Variants in SPEF2 observed in about 807,000 individuals in gnomAD.
SPEF2 encodes sperm flagella and cilia-associated protein 2.
A neutral mutation model predicts 224.6 loss-of-function variants in SPEF2; 187 were observed. The observed-to-expected ratio is 0.83, with a 90% confidence interval of 0.74 to 0.94. SPEF2 has a LOEUF of 0.94. SPEF2 is among the 40% of genes least tolerant of loss of function. The probability of loss-of-function intolerance (pLI) is 0.00; values close to 1 mark genes in which losing one functional copy is unlikely to be tolerated. For missense variants in SPEF2, 2,170 were observed against 2,135.6 expected (o/e 1.02, Z -0.32); for synonymous variants, 715 against 707.3 (o/e 1.01, Z -0.17).
chr5:35,776,466 A>G, intron 29 of SPEF2, 71 bp downstream of exon 29: 13 of 1,513,832 alleles, frequency 8.6e-6, no homozygotes, highest in Non-Finnish European at 1.1e-5. Context: ...GAAGATTTTT[A>G]AGGTATTTAC....
At chr5:35,734,934 C>T (rs890172939) in intron 21 of SPEF2, among the ~76,000 whole-genome samples, 6 of 151,884 alleles carry the variant, frequency 4.0e-5, no homozygotes, top group Non-Finnish European at 7.4e-5. Context: ...ATGGTCTCAA[C>T]TTCCTGACCT....
intron 21 of SPEF2, among the ~76,000 whole-genome samples, chr5:35,739,292 T>C (rs1237166185): frequency 1.3e-5 from 2 of 152,226 alleles, no homozygotes; most frequent in Admixed American, 1.3e-4. Context: ...ATCAGTGTTA[T>C]GATGGGAAAA....
rs1326581229 is a variant in SPEF2 at position 35,763,222 on chromosome 5, C to T, written c.3621-300C>T. ...TATGCTCTGGAACAAATTCCAAAGT[C>T]GCTTTTCTTTATAATGGCCACTGTC... On this transcript the variant is annotated intron_variant, in intron 25 of 36. Coordinates refer to ENST00000356031, the MANE Select transcript of SPEF2 (RefSeq NM_024867.4). 9.2e-5 allele frequency among the ~76,000 whole-genome samples: 14 copies of T among 152,114 alleles called. No individual in the cohort carries two copies. The South Asian group carries it at 1.5e-3, about 16-fold the overall frequency.
At chr5:35,706,187 A>G (rs943015089) in intron 18 of SPEF2, among the ~76,000 whole-genome samples, 1 of 151,964 alleles carries the variant, frequency 6.6e-6, no homozygotes, top group Non-Finnish European at 1.5e-5. Flanking sequence ...GATATTGTAG[A>G]TAAAGGTAAA....
chr5:35,668,414 G>T lies in SPEF2; in HGVS notation c.1355+1155G>T, dbSNP rs1423203566. Among the ~76,000 whole-genome samples the T allele has an allele frequency of 7.2e-5, 11 of 152,172 alleles. 1 individual carries two copies. The East Asian group carries it at 2.1e-3, about 29-fold the overall frequency. On this transcript the variant is annotated intron_variant, in intron 9 of 36. Coordinates refer to ENST00000356031, the MANE Select transcript of SPEF2 (RefSeq NM_024867.4). Reference sequence around the variant, plus strand: ...AAGAGCCAGTCTCAAAATGTTACATGCTCTGTGATTTCATTTATATAACAT... The same window carrying T: ...AAGAGCCAGTCTCAAAATGTTACATTCTCTGTGATTTCATTTATATAACAT...
At chr5:35,661,754 T>A (rs1485938999) in intron 8 of SPEF2, among the ~76,000 whole-genome samples, 3 of 152,182 alleles carry the variant, frequency 2.0e-5, no homozygotes, top group African/African-American at 2.4e-5. Context: ...AAGGACATGA[T>A]CTCATTGCTT....
intron 31 of SPEF2, 35 bp from the exon 32 acceptor site, chr5:35,793,124 T>C: frequency 6.3e-7 from 1 of 1,579,882 alleles, no homozygotes; most frequent in Non-Finnish European, 8.7e-7. Flanking sequence ...TAGATTCATG[T>C]AGATATTCCA....
At chr5:35,768,252 A>G (rs1379037547) in intron 26 of SPEF2, among the ~76,000 whole-genome samples, 1 of 152,130 alleles carries the variant, frequency 6.6e-6, no homozygotes, top group Non-Finnish European at 1.5e-5. Flanking sequence ...AATGATGATC[A>G]TAGCAGAGAC....
chr5:35,673,152 C>CTT (rs1751422502), intron 10 of SPEF2, among the ~76,000 whole-genome samples: 1 of 152,144 alleles, frequency 6.6e-6, no homozygotes, highest in Non-Finnish European at 1.5e-5. Context: ...AGCATAACAA[C>CTT]ATTGAGTTAT....
Position 35,804,270 on chromosome 5 carries a change from T to C in SPEF2, c.5011-2437T>C, listed in dbSNP as rs763084901. Among the ~76,000 whole-genome samples, 3 of 152,214 alleles carry C rather than the reference T, an allele frequency of 2.0e-5. No individual in the cohort carries two copies. The East Asian group carries it at 5.8e-4, about 29-fold the overall frequency. On this transcript the variant is annotated intron_variant, in intron 34 of 36. Coordinates refer to ENST00000356031, the MANE Select transcript of SPEF2 (RefSeq NM_024867.4). ...ACAGGTAGCACTCTGGGGACACATT[T>C]GTTGGGAGTCCTGAGAGTTAGCCAA...
chr5:35,736,705 T>C (rs1746665442), intron 21 of SPEF2, among the ~76,000 whole-genome samples: 1 of 152,200 alleles, frequency 6.6e-6, no homozygotes, highest in Admixed American at 6.5e-5. Context: ...GGATGCCTAA[T>C]GATTTCCCAT....
At chr5:35,807,642 C>T in intron 36 of SPEF2, 1 of 1,535,748 alleles carries the variant, frequency 6.5e-7, no homozygotes, top group Non-Finnish European at 8.7e-7. Flanking sequence ...ACGCAAGGTA[C>T]ACATCATCTA....
chr5:35,678,887 C>A (rs1752387269), intron 10 of SPEF2, among the ~76,000 whole-genome samples: 1 of 152,194 alleles, frequency 6.6e-6, no homozygotes, highest in South Asian at 2.1e-4. Context: ...CAGCTGAACT[C>A]CCCTTAGGGA....
rs192290312 is a variant in SPEF2 at position 35,805,076 on chromosome 5, A to T, written c.5011-1631A>T. Among the ~76,000 whole-genome samples, 608 of 152,308 alleles carry T rather than the reference A, an allele frequency of 4.0e-3. 3 individuals carry two copies. The highest frequency in any genetic ancestry group is 0.027 in the Middle Eastern group (8 of 294). On this transcript the variant is annotated intron_variant, in intron 34 of 36. Coordinates refer to ENST00000356031, the MANE Select transcript of SPEF2 (RefSeq NM_024867.4). ...TTCCTGGGTGGAAATACTAAAGCTC[A>T]TTTTACATTTCTGCCATGTAGCATT...
At chr5:35,623,672 A>G (rs911066757) in intron 1 of SPEF2, among the ~76,000 whole-genome samples, 2 of 152,198 alleles carry the variant, frequency 1.3e-5, no homozygotes, top group African/African-American at 2.4e-5. Context: ...TATCAGGCCT[A>G]AAGAGTGGAC....
intron 1 of SPEF2, among the ~76,000 whole-genome samples, chr5:35,619,253 T>TTAG (rs1415333579): frequency 6.6e-6 from 1 of 152,224 alleles, no homozygotes; most frequent in East Asian, 1.9e-4. Context: ...AGGACAATAT[T>TTAG]TAGCATTTAT....
intron 8 of SPEF2, among the ~76,000 whole-genome samples, chr5:35,664,990 AT>A (rs1750274872): frequency 6.6e-6 from 1 of 152,154 alleles, no homozygotes; most frequent in Non-Finnish European, 1.5e-5. Flanking sequence ...CTGATTTCAA[AT>A]TTCTGTGCTA....
intron 2 of SPEF2, among the ~76,000 whole-genome samples, chr5:35,640,321 T>G (rs920194004): frequency 1.3e-5 from 2 of 152,142 alleles, no homozygotes; most frequent in African/African-American, 4.8e-5. Context: ...TTTCCAATTA[T>G]GTGTAGTGAG....
At chr5:35,665,823 G>C (rs1207334845) in intron 8 of SPEF2, among the ~76,000 whole-genome samples, 1 of 152,108 alleles carries the variant, frequency 6.6e-6, no homozygotes, top group Admixed American at 6.6e-5. Flanking sequence ...TGTAATTCCT[G>C]AATCTGTCAA....
Sources: gnomAD v4.1 joint callset for allele counts (sites outside exome capture counted in the v4.1 genomes callset) on GRCh38, gnomAD v4.1.1 for gene constraint, MANE v1.5 for transcripts, NCBI Gene and HGNC (gene_info 2026-07-23, HGNC 2026-07-21) for gene names.